The following NEDD4L variants were observed in gnomAD, a reference collection of about 807,000 sequenced individuals.
The protein encoded by NEDD4L is E3 ubiquitin-protein ligase NEDD4-like.
In NEDD4L, 54 loss-of-function variants were observed where a neutral mutation model predicts 148.9. The observed-to-expected ratio is 0.36, with a 90% CI of 0.29 to 0.45. NEDD4L has a LOEUF of 0.45. Ranked by LOEUF, NEDD4L falls within the 20% of genes least tolerant of loss-of-function variation. The probability of loss-of-function intolerance (pLI) is 1.00; values close to 1 mark genes in which losing one functional copy is unlikely to be tolerated. For synonymous variants in NEDD4L, 433 were observed against 440.7 expected, an observed-to-expected ratio of 0.98 and a Z score of 0.22; for missense variants, 856 against 1,233.8, an observed-to-expected ratio of 0.69 and a Z score of 4.59.
At chr18:58,169,547 G>GC (rs1367611264) in intron 2 of NEDD4L, among the ~76,000 whole-genome samples, 6 of 50,830 alleles carry the variant, frequency 1.2e-4, no homozygotes, top group Admixed American at 7.1e-4. Context: ...CCCCAAAACA[G>GC]CTTAAAAAAA....
In NEDD4L at chr18:58,214,815, T is replaced by TTTTA. The variant is rs1291603873; in HGVS notation, c.123-30610_123-30609insTATT. ...TCTTTCTTTCATTTTTTTTTTTTTT[T>TTTTA]TTGTTGTTGTTGTTGAGACAGAGTC... On this transcript the variant is annotated intron_variant, in intron 2 of 30. Coordinates refer to ENST00000400345, the MANE Select transcript of NEDD4L (RefSeq NM_001144967.3). Among the ~76,000 whole-genome samples, 14 of 127,162 alleles carry TTTTA rather than the reference T, an allele frequency of 1.1e-4. 1 individual carries two copies. Among genetic ancestry groups the TTTTA allele is most frequent in the East Asian group, 6.8e-4 (3 of 4,440 alleles). The allele number at this position is 127,162 out of a possible 152,430, so 83.4% of individuals were successfully genotyped here. A position where few individuals can be genotyped will look rare whatever the true frequency, so the allele number is the denominator to read the frequency against.
intron 1 of NEDD4L, among the ~76,000 whole-genome samples, chr18:58,163,581 TG>T (rs1182361295): frequency 6.6e-6 from 1 of 152,260 alleles, no homozygotes; most frequent in African/African-American, 2.4e-5. Context: ...TCATGAAGAC[TG>T]GCAAACACAT....
At chr18:58,356,361 C>T (rs545366247) in intron 18 of NEDD4L, among the ~76,000 whole-genome samples, 3 of 151,702 alleles carry the variant, frequency 2.0e-5, no homozygotes, top group South Asian at 4.2e-4. Context: ...CCTAGTGTGC[C>T]CCACCCCCCG....
At chr18:58,140,917 T>A (rs770277437) in intron 1 of NEDD4L, among the ~76,000 whole-genome samples, 48 of 152,222 alleles carry the variant, frequency 3.2e-4, no homozygotes, top group Non-Finnish European at 6.3e-4. Context: ...CTCCGATAAC[T>A]ATCACGTTGT....
chr18:58,144,189 T>C (rs901027158), intron 1 of NEDD4L, among the ~76,000 whole-genome samples: 34 of 151,724 alleles, frequency 2.2e-4, no homozygotes, highest in African/African-American at 6.1e-4. Flanking sequence ...TGAGACTAGG[T>C]AATTTATAAA....
rs577146416 is a variant in NEDD4L at position 58,154,266 on chromosome 18, C to T, written c.49-11522C>T. Among the ~76,000 whole-genome samples, 4 of 152,182 alleles carry T rather than the reference C, an allele frequency of 2.6e-5. No homozygotes were observed. The South Asian group carries it at 8.3e-4, about 32-fold the overall frequency. Reference sequence around the variant, plus strand: ...AGGCATCCTGCAGAGTGAGTACTGCCCAGATAGAACCTTCTGCCTCTTTGG... The same window carrying T: ...AGGCATCCTGCAGAGTGAGTACTGCTCAGATAGAACCTTCTGCCTCTTTGG... On this transcript the variant is annotated intron_variant, in intron 1 of 30. Coordinates refer to ENST00000400345, the MANE Select transcript of NEDD4L (RefSeq NM_001144967.3).
At chr18:58,143,551 G>A (rs1455629566) in intron 1 of NEDD4L, among the ~76,000 whole-genome samples, 4 of 152,204 alleles carry the variant, frequency 2.6e-5, no homozygotes, top group Non-Finnish European at 4.4e-5. Context: ...CAGTAATGAT[G>A]CAGTGCTATT....
intron 15 of NEDD4L, 133 bp downstream of exon 15, chr18:58,341,930 G>GCACAAGAACACCC: frequency 9.9e-7 from 1 of 1,014,410 alleles, no homozygotes; most frequent in Non-Finnish European, 1.5e-6. Context: ...AGTGAAGGGT[G>GCACAAGAACACCC]TTCTTGTGCA....
At chr18:58,121,429 TTC>T (rs1289374173) in intron 1 of NEDD4L, among the ~76,000 whole-genome samples, 1 of 152,106 alleles carries the variant, frequency 6.6e-6, no homozygotes, top group Admixed American at 6.5e-5. Context: ...TTTTCTTTCA[TTC>T]TTTTTTTTTT....
At chr18:58,329,842 G>GT (rs1303897735) in intron 10 of NEDD4L, among the ~76,000 whole-genome samples, 2 of 151,930 alleles carry the variant, frequency 1.3e-5, no homozygotes, top group Non-Finnish European at 2.9e-5. Context: ...TTTTTAGTTT[G>GT]TAATTTATTT....
At chr18:58,362,362 T>G (rs1347039899) in intron 19 of NEDD4L, among the ~76,000 whole-genome samples, 2 of 152,216 alleles carry the variant, frequency 1.3e-5, no homozygotes, top group Non-Finnish European at 1.5e-5. Context: ...AAAAAATAGT[T>G]GCTGGGAATC....
chr18:58,117,347 A>G (rs1194863621), intron 1 of NEDD4L, among the ~76,000 whole-genome samples: 1 of 152,144 alleles, frequency 6.6e-6, no homozygotes, highest in Non-Finnish European at 1.5e-5. Context: ...ATCATATTCG[A>G]ATTTGATTTG....
intron 9 of NEDD4L, among the ~76,000 whole-genome samples, chr18:58,328,015 T>C (rs2059455671): frequency 1.3e-5 from 2 of 151,728 alleles, no homozygotes; most frequent in Non-Finnish European, 2.9e-5. Flanking sequence ...CTGGCTAGAG[T>C]ACAGTGACAT....
At chr18:58,235,194 T>C (rs1408730192) in intron 2 of NEDD4L, among the ~76,000 whole-genome samples, 1 of 152,148 alleles carries the variant, frequency 6.6e-6, no homozygotes, top group Non-Finnish European at 1.5e-5. Flanking sequence ...CATAATTGTA[T>C]ACCAGTGAGC....
At chr18:58,161,383 A>C (rs1568307870) in intron 1 of NEDD4L, among the ~76,000 whole-genome samples, 1 of 151,898 alleles carries the variant, frequency 6.6e-6, no homozygotes, top group East Asian at 1.9e-4. Flanking sequence ...TTAACGGTGA[A>C]GTTAAAATTT....
intron 5 of NEDD4L, chr18:58,255,344 A>G (rs1028867104): frequency 3.1e-6 from 1 of 325,942 alleles, no homozygotes; most frequent in African/African-American, 2.2e-5. Context: ...CGAGTAGGGG[A>G]AAACTCCTCT....
chr18:58,113,871 T>C (rs1174109232), intron 1 of NEDD4L, among the ~76,000 whole-genome samples: 1 of 151,922 alleles, frequency 6.6e-6, no homozygotes, highest in Non-Finnish European at 1.5e-5. Flanking sequence ...AGTTATGAAC[T>C]GAGACTGGGA....
chr18:58,160,866 A>G (rs1291889437), intron 1 of NEDD4L, among the ~76,000 whole-genome samples: 3 of 152,238 alleles, frequency 2.0e-5, no homozygotes, highest in Non-Finnish European at 4.4e-5. Flanking sequence ...TTCCTGCAAC[A>G]GGTGCTTGTA....
rs374600334 is a variant in NEDD4L at position 58,390,705 on chromosome 18, A to C, written c.2715A>C (p.Thr905=). ...RIRLLQFVTG[T]SRVPMNGFAE... is the part of the protein sequence containing the mutation. ...GGTTACTGCAGTTTGTCACAGGGAC[A>C]TCGCGAGTACCTATGAATGGATTTG... The change falls in exon 29 of 31, where the codon ACA becomes ACC. Residue 905 remains threonine, a synonymous_variant. Coordinates refer to ENST00000400345, the MANE Select transcript of NEDD4L (RefSeq NM_001144967.3). 571 of 1,600,202 alleles carry C rather than the reference A, an allele frequency of 3.6e-4. No homozygotes were observed. The highest frequency in any genetic ancestry group is 4.0e-4 in the Non-Finnish European group (471 of 1,172,756).
Sources: allele counts gnomAD v4.1 joint callset (sites outside exome capture counted in the v4.1 genomes callset), GRCh38; gene constraint gnomAD v4.1.1; transcripts MANE v1.5; gene names NCBI Gene and HGNC (gene_info 2026-07-23, HGNC 2026-07-21).